The following ECT2L variants were observed in gnomAD, a reference collection of about 807,000 sequenced individuals.
ECT2L encodes epithelial cell-transforming sequence 2 oncogene-like.
ECT2L carries 126 observed loss-of-function variants against 122.8 expected under a neutral mutation model. The observed-to-expected ratio is 1.03, with a 90% CI of 0.89 to 1.19. The LOEUF (loss-of-function observed/expected upper bound fraction) is 1.19, where lower values mean the gene tolerates loss of function less well. Ranked by LOEUF, ECT2L falls within the 50% of genes most tolerant of loss-of-function variation. ECT2L has a pLI of 0.00. For synonymous variants in ECT2L, 385 were observed against 381.8 expected (o/e 1.01, Z -0.10); for missense variants, 1,012 against 1,064.1 (o/e 0.95, Z 0.68).
At chr6:138,888,807 T>G (rs930019357) in intron 19 of ECT2L, 136 bp from the exon 20 acceptor site, 6 of 349,930 alleles carry the variant, frequency 1.7e-5, no homozygotes, top group Non-Finnish European at 2.5e-5. Context: ...TCATAAACAG[T>G]GAAAATATTC....
intron 14 of ECT2L, 111 bp downstream of exon 14, chr6:138,876,669 T>C (rs9399259): frequency 0.25 from 136,495 of 539,910 alleles, 13,113 homozygotes; most frequent in South Asian, 0.32. Context: ...CTTTGGGGGA[T>C]TAAAAAAAAA....
intron 20 of ECT2L, among the ~76,000 whole-genome samples, chr6:138,889,420 A>G (rs1288241592): frequency 6.6e-6 from 1 of 152,116 alleles, no homozygotes; most frequent in East Asian, 1.9e-4. Flanking sequence ...TCCGCCTCCA[A>G]GCTATTCTCC....
chr6:138,814,702 A>G (rs1255975618), intron 4 of ECT2L, 99 bp downstream of exon 4: 27 of 689,062 alleles, frequency 3.9e-5, no homozygotes, highest in Middle Eastern at 3.2e-4. Context: ...CCTAGGGAGA[A>G]AAAAAAACAA....
intron 1 of ECT2L, among the ~76,000 whole-genome samples, chr6:138,798,577 G>A (rs1231773803): frequency 6.6e-6 from 1 of 152,082 alleles, no homozygotes; most frequent in African/African-American, 2.4e-5. Context: ...CCATATCACA[G>A]GTTGTCACAC....
At chr6:138,856,102 C>T (rs1425351482) in intron 10 of ECT2L, among the ~76,000 whole-genome samples, 4 of 152,248 alleles carry the variant, frequency 2.6e-5, no homozygotes, top group Non-Finnish European at 5.9e-5. Context: ...AGGCATCCCT[C>T]TTAGGCTTGT....
At chr6:138,851,013 A>AAAAAAG (rs1777427233) in intron 9 of ECT2L, among the ~76,000 whole-genome samples, 2 of 148,228 alleles carry the variant, frequency 1.3e-5, no homozygotes, top group African/African-American at 5.2e-5. Flanking sequence ...AAAAAAAAAA[A>AAAAAAG]AAAAAAAAAA....
chr6:138,814,573 T>C lies in ECT2L; in HGVS notation c.149T>C (p.Ile50Thr). 2 of 1,610,474 alleles carry C rather than the reference T, an allele frequency of 1.2e-6. No homozygotes were observed. The highest frequency in any genetic ancestry group is 1.7e-6 in the Non-Finnish European group (2 of 1,177,374). ...CAACGTCAAGAATTCTTATTCGCAA[T>C]TTTTTTAAGATGCACTAAATCACAA... Reference protein sequence around the residue: ...NKQRQEFLFAIFLRCTKSQLR... With the variant: ...NKQRQEFLFATFLRCTKSQLR... The change falls in exon 4 of 22, where the codon ATT becomes ACT. Residue 50 changes from isoleucine (I) to threonine (T), a missense_variant. Physicochemically the swap from Ile to Thr is moderately conservative, Grantham distance 89 (BLOSUM62 -1). Transcript: ENST00000541398.
chr6:138,887,699 A>G (rs1778875615), intron 19 of ECT2L, among the ~76,000 whole-genome samples: 1 of 152,164 alleles, frequency 6.6e-6, no homozygotes, highest in East Asian at 1.9e-4. Flanking sequence ...TTATAATCAT[A>G]CCACACAGAT....
At position 138,902,704 on chromosome 6, in the gene ECT2L, T is replaced by C; in HGVS notation, c.*77T>C. ...AACATGTATTTTCTGTTCCAAAATA[T>C]CCAGTAAGAAACAGAATAACTGTCA... On this transcript the variant is annotated 3_prime_UTR_variant, in exon 22 of 22. Transcript: ENST00000541398. 1.3e-6 allele frequency: 2 copies of C among 1,534,834 alleles called. No individual in the cohort carries two copies. The highest frequency in any genetic ancestry group is 1.8e-5 in the Admixed American group (1 of 56,288).
At chr6:138,893,412 TA>T (rs138952559) in intron 20 of ECT2L, among the ~76,000 whole-genome samples, 1,761 of 113,576 alleles carry the variant, frequency 0.016, 21 homozygotes, top group African/African-American at 0.047. Context: ...AATATATATA[TA>T]TTTTTTTATT....
At chr6:138,830,727 C>T (rs1419448617) in intron 4 of ECT2L, among the ~76,000 whole-genome samples, 2 of 152,156 alleles carry the variant, frequency 1.3e-5, no homozygotes, top group South Asian at 2.1e-4. Flanking sequence ...CTTCCTCCTA[C>T]CTCTCGGTCC....
chr6:138,856,189 ATACCCCCACCACAGCAATTCTTTT>A (rs1380505449), intron 10 of ECT2L, among the ~76,000 whole-genome samples: 2 of 44,056 alleles, frequency 4.5e-5, no homozygotes, highest in South Asian at 1.9e-3. Flanking sequence ...ATGTACTCAA[ATACCCCCACCACAGCAATTCTTTT>A]TGTCTCCCCC....
intron 4 of ECT2L, among the ~76,000 whole-genome samples, chr6:138,828,582 C>T (rs201938011): frequency 6.6e-6 from 1 of 152,144 alleles, no homozygotes. Context: ...ACAATCTTCC[C>T]GTGGGTCCAC....
intron 20 of ECT2L, among the ~76,000 whole-genome samples, chr6:138,898,667 A>G (rs2128415013): frequency 6.6e-6 from 1 of 152,348 alleles, no homozygotes; most frequent in Non-Finnish European, 1.5e-5. Context: ...TAACAAAATC[A>G]CCAGGTAAAT....
intron 1 of ECT2L, among the ~76,000 whole-genome samples, chr6:138,805,226 T>C (rs1478432939): frequency 6.6e-6 from 1 of 152,250 alleles, no homozygotes; most frequent in Non-Finnish European, 1.5e-5. Context: ...ACTGGACTAC[T>C]GGTGGATGCT....
chr6:138,856,246 G>A (rs1042445264), intron 10 of ECT2L, among the ~76,000 whole-genome samples: 53 of 152,174 alleles, frequency 3.5e-4, no homozygotes, highest in East Asian at 5.8e-4. Flanking sequence ...GAGATGTCTC[G>A]TTCTGTCGCC....
chr6:138,885,893 C>G (rs769942759), intron 18 of ECT2L, 63 bp downstream of exon 18: 2 of 1,500,954 alleles, frequency 1.3e-6, no homozygotes, highest in Non-Finnish European at 1.8e-6. Flanking sequence ...GGTACTCCCA[C>G]TCAAAGATCC....
intron 5 of ECT2L, among the ~76,000 whole-genome samples, chr6:138,839,478 C>G (rs373015349): frequency 6.6e-6 from 1 of 152,004 alleles, no homozygotes; most frequent in African/African-American, 2.4e-5. Flanking sequence ...ATCCTCTCAC[C>G]TCAACCTCCC....
chr6:138,837,307 A>C (rs768609591), intron 4 of ECT2L, among the ~76,000 whole-genome samples: 10 of 152,084 alleles, frequency 6.6e-5, no homozygotes, highest in Admixed American at 1.3e-4. Context: ...CCCTGTAAAC[A>C]ACCAATCTTC....
Sources: allele counts gnomAD v4.1 joint callset (sites outside exome capture counted in the v4.1 genomes callset), GRCh38; gene constraint gnomAD v4.1.1; transcripts MANE v1.5; gene names NCBI Gene and HGNC (gene_info 2026-07-23, HGNC 2026-07-21).